Variants in MYOM1 observed in about 807,000 individuals in gnomAD.
MYOM1 encodes myomesin-1.
In MYOM1, 164 loss-of-function variants were observed where a neutral mutation model predicts 205.3. The ratio of observed to expected loss-of-function variants is 0.80; its 90% CI spans 0.70 to 0.91. The LOEUF (loss-of-function observed/expected upper bound fraction) is 0.91. MYOM1 is among the 40% of genes least tolerant of loss of function. The probability of loss-of-function intolerance (pLI) is 0.00; values close to 1 mark genes in which losing one functional copy is unlikely to be tolerated. For synonymous variants in MYOM1, 772 were observed against 789.4 expected, an observed-to-expected ratio of 0.98 and a Z score of 0.37; for missense variants, 2,011 against 2,127.3, an observed-to-expected ratio of 0.95 and a Z score of 1.08.
intron 3 of MYOM1, among the ~76,000 whole-genome samples, chr18:3,191,102 G>C (rs2080898166): frequency 6.6e-6 from 1 of 152,112 alleles, no homozygotes; most frequent in African/African-American, 2.4e-5. Flanking sequence ...TCTATAATGT[G>C]GACACAAAAG....
chr18:3,104,173 C>T (rs2079419733), intron 22 of MYOM1, among the ~76,000 whole-genome samples: 1 of 152,116 alleles, frequency 6.6e-6, no homozygotes, highest in Non-Finnish European at 1.5e-5. Flanking sequence ...AAATGTTGAA[C>T]AAATGCTTTT....
At chr18:3,138,984 A>C (rs1423792464) in intron 14 of MYOM1, among the ~76,000 whole-genome samples, 1 of 152,116 alleles carries the variant, frequency 6.6e-6, no homozygotes, top group African/African-American at 2.4e-5. Flanking sequence ...CTCATCTACA[A>C]AATAGGCATG....
chr18:3,149,115 A>C, intron 13 of MYOM1, 30 bp downstream of exon 13: 1 of 1,604,928 alleles, frequency 6.2e-7, no homozygotes. Flanking sequence ...AAACATCAGC[A>C]ATAGTATCTG....
At chr18:3,076,722 CTTT>C (rs35452841) in intron 34 of MYOM1, among the ~76,000 whole-genome samples, 57 of 143,062 alleles carry the variant, frequency 4.0e-4, no homozygotes, top group Non-Finnish European at 3.1e-4. Flanking sequence ...AAAATGGCAG[CTTT>C]TTTTTTTTTT....
At chr18:3,076,938 T>C (rs2079026540) in intron 34 of MYOM1, among the ~76,000 whole-genome samples, 1 of 151,886 alleles carries the variant, frequency 6.6e-6, no homozygotes, top group African/African-American at 2.4e-5. Flanking sequence ...GGTCTCGATC[T>C]CCCGACCTCG....
chr18:3,225,202 T>A, the MYOM1 span, among the ~76,000 whole-genome samples: 17 of 151,488 alleles, frequency 1.1e-4, no homozygotes, highest in South Asian at 2.1e-4. Context: ...TTAGCCAGGA[T>A]GGTCTCGATC....
intron 19 of MYOM1, among the ~76,000 whole-genome samples, chr18:3,120,257 G>C (rs1255920223): frequency 6.6e-6 from 1 of 152,124 alleles, no homozygotes; most frequent in East Asian, 1.9e-4. Flanking sequence ...AGATATTATA[G>C]ATTAGGGTCC....
intron 25 of MYOM1, among the ~76,000 whole-genome samples, chr18:3,096,601 T>C (rs1367986688): frequency 1.3e-5 from 2 of 152,046 alleles, no homozygotes; most frequent in Non-Finnish European, 2.9e-5. Context: ...CCACCACACC[T>C]GGTTAAATTT....
intron 2 of MYOM1, among the ~76,000 whole-genome samples, chr18:3,210,969 AC>A (rs2081184381): frequency 6.6e-6 from 1 of 152,216 alleles, no homozygotes; most frequent in South Asian, 2.1e-4. Flanking sequence ...ATGCTGAATT[AC>A]GTCATATAGG....
intron 13 of MYOM1, among the ~76,000 whole-genome samples, chr18:3,148,640 G>A (rs1042967751): frequency 1.3e-5 from 2 of 152,014 alleles, no homozygotes; most frequent in Non-Finnish European, 1.5e-5. Flanking sequence ...GAGGTCAGGA[G>A]ATCGAGACCA....
At chr18:3,129,196 A>G in intron 18 of MYOM1, 36 bp downstream of exon 18, 1 of 1,593,948 alleles carries the variant, frequency 6.3e-7, no homozygotes, top group Non-Finnish European at 8.6e-7. Context: ...ACAGTGATGG[A>G]GACGGATGGA....
chr18:3,133,790 T>A (rs956344511), intron 16 of MYOM1, among the ~76,000 whole-genome samples: 9 of 152,186 alleles, frequency 5.9e-5, no homozygotes, highest in Admixed American at 3.3e-4. Flanking sequence ...GTGAACCTTT[T>A]AAAAAAAGAT....
Position 3,132,118 on chromosome 18 carries a change from G to GTATATATATATATATA in MYOM1, c.2385-638_2385-623dup, listed in dbSNP as rs1555621173. Reference sequence around the variant, plus strand: ...TAAAATTATTATTATATATGTGTGTGTATATATATATATATATGAGTTATA... The same window carrying GTATATATATATATATA: ...TAAAATTATTATTATATATGTGTGTGTATATATATATATATATATATATATATATATATGAGTTATA... On this transcript the variant is annotated intron_variant, in intron 16 of 37. Coordinates refer to ENST00000356443, the MANE Select transcript of MYOM1 (RefSeq NM_003803.4). Among the ~76,000 whole-genome samples the GTATATATATATATATA allele has an allele frequency of 2.3e-4, 33 of 143,446 alleles. No individual in the cohort carries two copies. The East Asian group carries it at 2.8e-3, about 12-fold the overall frequency. The allele number at this position is 143,446 out of a possible 152,430, so 94.1% of individuals were successfully genotyped here. A position where few individuals can be genotyped will look rare whatever the true frequency, so the allele number is the denominator to read the frequency against.
chr18:3,083,671 C>T (rs2079115453), intron 33 of MYOM1, 118 bp downstream of exon 33: 11 of 643,232 alleles, frequency 1.7e-5, no homozygotes, highest in Middle Eastern at 4.3e-4. Context: ...GTCTCGAACT[C>T]CTGACCTCAA....
chr18:3,201,611 T>C (rs1256552037), intron 2 of MYOM1, among the ~76,000 whole-genome samples: 1 of 151,840 alleles, frequency 6.6e-6, no homozygotes, highest in African/African-American at 2.4e-5. Flanking sequence ...CTTATACACA[T>C]ATATGTATGT....
chr18:3,135,445 G>A lies in MYOM1; in HGVS notation c.2209+102C>T. On this transcript the variant is annotated intron_variant, in intron 15 of 37. Coordinates refer to ENST00000356443, the MANE Select transcript of MYOM1 (RefSeq NM_003803.4). The surrounding 1 kb of genome is among the most constrained non-coding windows in gnomAD (Gnocchi z 4.1). ...CAGCCATCGAGTAAATTTATAATATGAAAGAAGGATGTCACCATTTTTACT... is the reference window on the plus strand; with the variant it reads ...CAGCCATCGAGTAAATTTATAATATAAAAGAAGGATGTCACCATTTTTACT... 1.2e-5 allele frequency: 12 copies of A among 1,014,442 alleles called. No individual in the cohort carries two copies. In the South Asian group the frequency reaches 2.4e-4, roughly 20 times the overall value. The allele number at this position is 1,014,442 out of a possible 1,614,324, so 62.8% of individuals were successfully genotyped here. A position where few individuals can be genotyped will look rare whatever the true frequency, so the allele number is the denominator to read the frequency against.
chr18:3,121,604 A>C (rs1186435217), intron 19 of MYOM1, among the ~76,000 whole-genome samples: 1 of 152,094 alleles, frequency 6.6e-6, no homozygotes, highest in African/African-American at 2.4e-5. Flanking sequence ...ACATACATAC[A>C]CAATAGCATA....
intron 37 of MYOM1, among the ~76,000 whole-genome samples, chr18:3,070,813 G>A (rs541593284): frequency 5.7e-4 from 86 of 151,736 alleles, no homozygotes; most frequent in Admixed American, 3.8e-3. Context: ...TCTGTCGCCC[G>A]GGCTGGAGTG....
At chr18:3,195,361 T>C (rs2080981126) in intron 2 of MYOM1, among the ~76,000 whole-genome samples, 1 of 152,202 alleles carries the variant, frequency 6.6e-6, no homozygotes, top group South Asian at 2.1e-4. Context: ...GTGGATTGGT[T>C]ACAAACTGGA....
Sources: gnomAD v4.1 joint callset for allele counts (sites outside exome capture counted in the v4.1 genomes callset) on GRCh38, gnomAD v4.1.1 for gene constraint, Gnocchi (gnomAD v3.1) non-coding constraint, MANE v1.5 for transcripts, NCBI Gene and HGNC (gene_info 2026-07-23, HGNC 2026-07-21) for gene names.